The following ZFHX3 variants were observed in gnomAD, a reference collection of about 807,000 sequenced individuals.
ZFHX3 encodes zinc finger homeobox 3, also known as zinc finger homeobox protein 3.
A neutral mutation model predicts 279.1 loss-of-function variants in ZFHX3; 42 were observed. That is an observed-to-expected ratio of 0.15 (90% CI 0.12 to 0.19). ZFHX3 has a LOEUF of 0.19. ZFHX3 is among the 10% of genes least tolerant of loss of function. The pLI, the probability that ZFHX3 is intolerant of heterozygous loss-of-function variation, is 1.00. For missense variants in ZFHX3, 4,981 were observed against 4,754.0 expected (o/e 1.05, Z -1.40); for synonymous variants, 2,293 against 1,957.8 (o/e 1.17, Z -4.52).
intron 8 of ZFHX3, among the ~76,000 whole-genome samples, chr16:73,067,263 GGAA>G (rs1965766779): frequency 6.6e-6 from 1 of 152,228 alleles, no homozygotes; most frequent in Admixed American, 6.5e-5. Context: ...CGCTGCAGCA[GGAA>G]GAATTGCTCA....
rs532004163 is a variant in ZFHX3, at chr16:73,583,785, C to T, written c.-1547+96395G>A. Among the ~76,000 whole-genome samples, 13 of 152,142 alleles carry T rather than the reference C, an allele frequency of 8.5e-5. No homozygotes were observed. In the South Asian group the frequency reaches 2.1e-3, roughly 24 times the overall value. ...ATAAAAAACTATCTTGAAAGAGAAT[C>T]GGCAAAACCCAATAAACAGAGTATT... On this transcript the variant is annotated intron_variant, in intron 2 of 17. Transcript: ENST00000641206.
chr16:72,901,865 T>C (rs1245022534), intron 3 of ZFHX3, among the ~76,000 whole-genome samples: 1 of 152,066 alleles, frequency 6.6e-6, no homozygotes, highest in Non-Finnish European at 1.5e-5. Context: ...GGTTCCCCCA[T>C]AAATAACCCA....
intron 3 of ZFHX3, among the ~76,000 whole-genome samples, chr16:73,411,157 GA>G: frequency 6.6e-6 from 1 of 152,268 alleles, no homozygotes; most frequent in Middle Eastern, 3.4e-3. Context: ...AAGAGACTGG[GA>G]ACAACCACAA....
At chr16:73,033,939 T>A (rs960749344) in intron 1 of ZFHX3, among the ~76,000 whole-genome samples, 1 of 152,158 alleles carries the variant, frequency 6.6e-6, no homozygotes, top group African/African-American at 2.4e-5. Context: ...GAAAGCAGCA[T>A]CTTCTCTAGG....
intron 2 of ZFHX3, among the ~76,000 whole-genome samples, chr16:73,522,918 C>T (rs1012224553): frequency 1.3e-5 from 2 of 152,154 alleles, no homozygotes; most frequent in Non-Finnish European, 2.9e-5. Context: ...CATGGGGAAG[C>T]TCCTTATAAA....
chr16:73,833,012 C>T (rs1961039683), intron 1 of ZFHX3, among the ~76,000 whole-genome samples: 1 of 152,218 alleles, frequency 6.6e-6, no homozygotes, highest in Non-Finnish European at 1.5e-5. Flanking sequence ...GAACAGAAGT[C>T]ATCCTGCCCA....
rs548602749 is a variant in ZFHX3, at chr16:73,742,504, G to A, written c.-1607-62264C>T. Among the ~76,000 whole-genome samples the A allele has an allele frequency of 2.1e-3, 318 of 152,224 alleles. 1 individual carries two copies. The highest frequency in any genetic ancestry group is 7.2e-3 in the African/African-American group (299 of 41,556). ...CTGGTCTTCTATTAATATTAGTCCA[G>A]GGCAAATATTCCAAATTGCATCATT... is the stretch of plus-strand genomic sequence containing the variant. On this transcript the variant is annotated intron_variant, in intron 1 of 17. Coordinates refer to the ZFHX3 transcript ENST00000641206.
chr16:73,812,190 G>A (rs1331069695), intron 1 of ZFHX3, among the ~76,000 whole-genome samples: 5 of 152,058 alleles, frequency 3.3e-5, no homozygotes, highest in South Asian at 2.1e-4. Flanking sequence ...CTCTAGGTAC[G>A]AATTTCCCAT....
At chr16:73,254,586 C>A (rs1472139519) in intron 5 of ZFHX3, among the ~76,000 whole-genome samples, 3 of 151,838 alleles carry the variant, frequency 2.0e-5, no homozygotes, top group Admixed American at 1.3e-4. Flanking sequence ...TACTCTTCAC[C>A]CAGCTTCCTC....
chr16:73,005,934 T>C (rs986510383), intron 1 of ZFHX3: 2 of 152,196 alleles, frequency 1.3e-5, no homozygotes, highest in African/African-American at 2.4e-5. Context: ...CACTGAGTGA[T>C]CTCTATATTT....
intron 3 of ZFHX3, among the ~76,000 whole-genome samples, chr16:73,445,213 G>A (rs778797040): frequency 5.3e-5 from 8 of 150,788 alleles, no homozygotes; most frequent in African/African-American, 1.2e-4. Context: ...TACATAATTC[G>A]AATATATAAT....
intron 3 of ZFHX3, among the ~76,000 whole-genome samples, chr16:72,921,269 T>G (rs963383426): frequency 6.6e-6 from 1 of 152,098 alleles, no homozygotes; most frequent in Non-Finnish European, 1.5e-5. Context: ...CAACGAAGCT[T>G]CTAGGAGATG....
At chr16:73,179,967 G>C (rs1967755961) in intron 5 of ZFHX3, among the ~76,000 whole-genome samples, 2 of 152,086 alleles carry the variant, frequency 1.3e-5, no homozygotes, top group African/African-American at 4.8e-5. Flanking sequence ...ACAATGAGGG[G>C]AAAAAACACA....
intron 1 of ZFHX3, among the ~76,000 whole-genome samples, chr16:73,712,986 T>C (rs947449818): frequency 6.6e-6 from 1 of 152,192 alleles, no homozygotes; most frequent in Non-Finnish European, 1.5e-5. Flanking sequence ...CTTTCCCATA[T>C]GCAGGAGCTG....
intron 2 of ZFHX3, among the ~76,000 whole-genome samples, chr16:73,606,273 C>G (rs373163196): frequency 6.8e-6 from 1 of 147,658 alleles, no homozygotes; most frequent in African/African-American, 2.5e-5. Context: ...TTTAGGAGGC[C>G]GAGGTGGGCA....
chr16:72,909,545 T>A (rs965706612), intron 3 of ZFHX3, among the ~76,000 whole-genome samples: 9 of 152,048 alleles, frequency 5.9e-5, no homozygotes, highest in Non-Finnish European at 1.2e-4. Flanking sequence ...TTAAACACAC[T>A]CTTTGATAAG....
chr16:73,702,690 G>A (rs56213920), intron 1 of ZFHX3, among the ~76,000 whole-genome samples: 5 of 152,070 alleles, frequency 3.3e-5, no homozygotes, highest in African/African-American at 1.2e-4. Context: ...CAGAATTCAG[G>A]GGTTGGGTCC....
intron 3 of ZFHX3, among the ~76,000 whole-genome samples, chr16:72,921,569 T>A (rs982470698): frequency 6.6e-6 from 1 of 152,202 alleles, no homozygotes; most frequent in Non-Finnish European, 1.5e-5. Context: ...ATTCTTATTC[T>A]CTGATGAAAG....
At chr16:72,902,415 G>T (rs751726745) in intron 3 of ZFHX3, among the ~76,000 whole-genome samples, 1 of 152,192 alleles carries the variant, frequency 6.6e-6, no homozygotes, top group Non-Finnish European at 1.5e-5. Flanking sequence ...CCCCCAGCTT[G>T]CGCCTGGGTT....
Sources: allele counts gnomAD v4.1 joint callset (sites outside exome capture counted in the v4.1 genomes callset), GRCh38; gene constraint gnomAD v4.1.1; transcripts MANE v1.5; gene names NCBI Gene and HGNC (gene_info 2026-07-23, HGNC 2026-07-21).